The following EME2 variants were observed in gnomAD, a reference collection of about 807,000 sequenced individuals.
EME2 encodes structure-specific endonuclease subunit EME2.
EME2 carries 58 observed loss-of-function variants against 41.9 expected under a neutral mutation model. The ratio of observed to expected loss-of-function variants is 1.38; its 90% CI spans 1.12 to 1.72. The LOEUF (loss-of-function observed/expected upper bound fraction) is 1.72, where lower values mean the gene tolerates loss of function less well. Ranked by LOEUF, EME2 falls within the 40% of genes most tolerant of loss-of-function variation. The probability of loss-of-function intolerance (pLI) is 0.00; values close to 1 mark genes in which losing one functional copy is unlikely to be tolerated. For missense variants in EME2, 695 were observed against 541.9 expected, an observed-to-expected ratio of 1.28 and a Z score of -2.81; for synonymous variants, 334 against 239.3, an observed-to-expected ratio of 1.40 and a Z score of -3.65.
intron 1 of EME2, 93 bp from the exon 2 acceptor site, chr16:1,773,612 G>C (rs780503910): frequency 1.3e-6 from 2 of 1,538,024 alleles, no homozygotes; most frequent in Non-Finnish European, 1.8e-6. Flanking sequence ...GGTTTGTGCC[G>C]AATGGAGACT....
rs2042665302 is a variant in EME2, at chr16:1,773,640, G to C, written c.248-65G>C. On this transcript the variant is annotated intron_variant, in intron 1 of 7. Transcript: ENST00000568449. ...TGGAGACTCCCCGGTCCGGCCACCC[G>C]CCCAGGTAGGGCGCTCGCGAGGGTG... The C allele has an allele frequency of 1.9e-6, 3 of 1,544,618 alleles. No individual in the cohort carries two copies. The South Asian group carries it at 3.6e-5, about 18-fold the overall frequency.
chr16:1,776,056 G>A lies in EME2; in HGVS notation c.970-12G>A, dbSNP rs2042707618. The A allele has an allele frequency of 1.2e-6, 2 of 1,606,342 alleles. No homozygotes were observed. The highest frequency in any genetic ancestry group is 1.7e-6 in the Non-Finnish European group (2 of 1,177,136). ...TCCCCAGGCGCCCTCTCATGCCTTT[G>A]CCTGCTCCTAGGCGCTGGAGGCCTG... On this transcript the variant is annotated splice_polypyrimidine_tract_variant and intron_variant, in intron 7 of 7. Transcript: ENST00000568449.
Position 1,778,626 on chromosome 16 carries a change from G to A in EME2, c.*2388G>A, listed in dbSNP as rs773883908. The stretch of plus-strand genomic sequence containing the variant: ...CGAGTCGCTGTGCTGGGAGAGAAGG[G>A]CCGGCTGTTACTACCTGTTGCCCGC... On this transcript the variant is annotated 3_prime_UTR_variant, in exon 8 of 8. Transcript: ENST00000568449. 78 of 1,533,714 alleles carry A rather than the reference G, an allele frequency of 5.1e-5. No homozygotes were observed. The highest frequency in any genetic ancestry group is 6.7e-5 in the Non-Finnish European group (76 of 1,139,876).
In EME2 at chr16:1,780,742, GTTTTTT is replaced by G. The variant is rs918565223; in HGVS notation, c.*4507_*4512del. On this transcript the variant is annotated 3_prime_UTR_variant, in exon 8 of 8. Coordinates refer to ENST00000568449, the MANE Select transcript of EME2 (RefSeq NM_001257370.2). ...TAAACCAAAGAATTTTTTTGTTTTT[GTTTTTT>G]TTGAGTCAGGGTCTAGCTCTGTCAC... The G allele has an allele frequency of 6.2e-6, 1 of 162,548 alleles. No homozygotes were observed. The highest frequency in any genetic ancestry group is 5.8e-5 in the Admixed American group (1 of 17,182). 10.1% of individuals were successfully genotyped at this position (162,548 alleles called of 1,614,324 possible).
In EME2 at chr16:1,774,894, C is replaced by T. The variant is rs1280720653; in HGVS notation, c.478-147C>T. The T allele has an allele frequency of 1.5e-5, 11 of 714,294 alleles. No homozygotes were observed. The East Asian group carries it at 2.7e-4, about 18-fold the overall frequency. 44.2% of individuals were successfully genotyped at this position (714,294 alleles called of 1,614,324 possible). ...GTGGGAGGCACAGAGCTGGTTTTCT[C>T]AGAAGGGGTAACGGAACAGAGGCTC... is the stretch of plus-strand genomic sequence containing the variant. On this transcript the variant is annotated intron_variant, in intron 3 of 7. Transcript: ENST00000568449.
chr16:1,775,901 G>A lies in EME2; in HGVS notation c.884G>A (p.Arg295Lys). 1 of 1,612,432 alleles carries A rather than the reference G, an allele frequency of 6.2e-7. No individual in the cohort carries two copies. Among genetic ancestry groups the A allele is most frequent in the Non-Finnish European group, 8.5e-7 (1 of 1,179,822 alleles). Residue 295 changes from arginine (R) to lysine (K), a missense_variant, in exon 7 of 8, where the codon AGG becomes AAG. Physicochemically the swap from Arg to Lys is conservative, Grantham distance 26 (BLOSUM62 2). Coordinates refer to ENST00000568449, the MANE Select transcript of EME2 (RefSeq NM_001257370.2). ...DGAGLQAAWRRQIRQFSRVSP... is the reference protein window; with the variant it reads ...DGAGLQAAWRKQIRQFSRVSP... ...GCAGGGCTGCAGGCGGCCTGGCGGA[G>A]GCAGATCAGGCAGTTCAGTCGGGTC...
chr16:1,780,765 C>T lies in EME2; in HGVS notation c.*4527C>T. The T allele has an allele frequency of 5.6e-6, 1 of 177,132 alleles. No individual in the cohort carries two copies. The highest frequency in any genetic ancestry group is 1.6e-4 in the East Asian group (1 of 6,190). 11.0% of individuals were successfully genotyped at this position (177,132 alleles called of 1,614,324 possible). A position where few individuals can be genotyped will look rare whatever the true frequency, so the allele number is the denominator to read the frequency against. ...TTGTTTTTTTTGAGTCAGGGTCTAGCTCTGTCACCCAGGCTGGAACGCACT... is the reference window on the plus strand; with the variant it reads ...TTGTTTTTTTTGAGTCAGGGTCTAGTTCTGTCACCCAGGCTGGAACGCACT... On this transcript the variant is annotated 3_prime_UTR_variant, in exon 8 of 8. Coordinates refer to ENST00000568449, the MANE Select transcript of EME2 (RefSeq NM_001257370.2).
rs531318985 is a variant in EME2, at chr16:1,773,702, C to T, written c.248-3C>T. 3.2e-6 allele frequency: 5 copies of T among 1,548,664 alleles called. No individual in the cohort carries two copies. The Admixed American group carries it at 7.8e-5, about 24-fold the overall frequency. ...TGACCGCGCTCCTCTCCCCCGGTCC[C>T]AGCCATCCTGGAAGACGCCGGTGCC... On this transcript the variant is annotated splice_region_variant and splice_polypyrimidine_tract_variant and intron_variant, in intron 1 of 7. Coordinates refer to ENST00000568449, the MANE Select transcript of EME2 (RefSeq NM_001257370.2).
In EME2 at chr16:1,772,838, G is replaced by A. The variant is rs1451346240; in HGVS notation, c.-390G>A. The stretch of plus-strand genomic sequence containing the variant: ...CGGGCCGCACCCGCGTGAGGCGCCA[G>A]TAGCACGGCTCGTCGTGCTGCCACA... On this transcript the variant is annotated 5_prime_UTR_variant, in exon 1 of 8. Coordinates refer to ENST00000568449, the MANE Select transcript of EME2 (RefSeq NM_001257370.2). 6.9e-7 allele frequency: 1 copy of A among 1,444,476 alleles called. No individual in the cohort carries two copies. Among genetic ancestry groups the A allele is most frequent in the Admixed American group, 2.7e-5 (1 of 36,556 alleles). 89.5% of individuals were successfully genotyped at this position (1,444,476 alleles called of 1,614,324 possible).
In EME2 at chr16:1,781,117, TGAA is replaced by T; in HGVS notation, c.*4883_*4885del. On this transcript the variant is annotated 3_prime_UTR_variant, in exon 8 of 8. Transcript: ENST00000568449. The stretch of plus-strand genomic sequence containing the variant: ...ATGTGTTTCAGAGGAGAAAGCACAG[TGAA>T]GAATGCAGTGTGTTCTGAGGTCCTG... The T allele has an allele frequency of 6.9e-7, 1 of 1,444,322 alleles. No individual in the cohort carries two copies. Among genetic ancestry groups the T allele is most frequent in the Non-Finnish European group, 9.2e-7 (1 of 1,081,728 alleles). 89.5% of individuals were successfully genotyped at this position (1,444,322 alleles called of 1,614,324 possible).
Position 1,778,521 on chromosome 16 carries a change from C to G in EME2, c.*2283C>G, listed in dbSNP as rs1416788919. 14 of 1,611,730 alleles carry G rather than the reference C, an allele frequency of 8.7e-6. No homozygotes were observed. The highest frequency in any genetic ancestry group is 2.7e-5 in the African/African-American group (2 of 74,928). ...GAAGGAGGCCTCGCTCTGCCCAGCACAGTCACAGAAGGACTCGCCGGTCAC... is the reference window on the plus strand; with the variant it reads ...GAAGGAGGCCTCGCTCTGCCCAGCAGAGTCACAGAAGGACTCGCCGGTCAC... On this transcript the variant is annotated 3_prime_UTR_variant, in exon 8 of 8. Coordinates refer to ENST00000568449, the MANE Select transcript of EME2 (RefSeq NM_001257370.2).
chr16:1,773,219 G>A lies in EME2; in HGVS notation c.-9G>A, dbSNP rs747433578. ...CGCGGCCGGAAGCGAGGAAGAGGTC[G>A]GTCCGGCCATGGCGCGGGTTGGACC... On this transcript the variant is annotated 5_prime_UTR_variant, in exon 1 of 8. Transcript: ENST00000568449. 2.8e-6 allele frequency: 4 copies of A among 1,443,354 alleles called. No homozygotes were observed. The highest frequency in any genetic ancestry group is 3.6e-6 in the Non-Finnish European group (4 of 1,107,558). The allele number at this position is 1,443,354 out of a possible 1,614,324, so 89.4% of individuals were successfully genotyped here. A position where few individuals can be genotyped will look rare whatever the true frequency, so the allele number is the denominator to read the frequency against.
chr16:1,773,174 C>A lies in EME2; in HGVS notation c.-54C>A. 7.0e-7 allele frequency: 1 copy of A among 1,420,102 alleles called. No homozygotes were observed. The highest frequency in any genetic ancestry group is 1.5e-5 in the South Asian group (1 of 64,832). The allele number at this position is 1,420,102 out of a possible 1,614,324, so 88.0% of individuals were successfully genotyped here. On this transcript the variant is annotated 5_prime_UTR_variant, in exon 1 of 8. Transcript: ENST00000568449. ...GGAAGTCACCGGAAGAGGCCGGTGT[C>A]CCAGGCTAAAGTGTTCGGTCGCGGC... is the stretch of plus-strand genomic sequence containing the variant.
In EME2 at chr16:1,778,964, G is replaced by GC; in HGVS notation, c.*2731dup. 4.9e-6 allele frequency: 1 copy of GC among 204,938 alleles called. No homozygotes were observed. The highest frequency in any genetic ancestry group is 9.7e-6 in the Non-Finnish European group (1 of 102,700). The allele number at this position is 204,938 out of a possible 1,614,324, so 12.7% of individuals were successfully genotyped here. A position where few individuals can be genotyped will look rare whatever the true frequency, so the allele number is the denominator to read the frequency against. ...TCCCTGCTAGGCCAGCCCTGCAGGGGCCCCCAGGCAAGGCCACCACCCCCA... is the reference window on the plus strand; with the variant it reads ...TCCCTGCTAGGCCAGCCCTGCAGGGGCCCCCCAGGCAAGGCCACCACCCCCA... On this transcript the variant is annotated 3_prime_UTR_variant, in exon 8 of 8. Transcript: ENST00000568449.
rs990689749 is a variant in EME2, at chr16:1,778,675, T to TCTGTCCCTGTCCCACC, written c.*2447_*2462dup. 3.3e-6 allele frequency: 5 copies of TCTGTCCCTGTCCCACC among 1,492,568 alleles called. No individual in the cohort carries two copies. The highest frequency in any genetic ancestry group is 4.4e-6 in the Non-Finnish European group (5 of 1,125,202). 92.5% of individuals were successfully genotyped at this position (1,492,568 alleles called of 1,614,324 possible). A position where few individuals can be genotyped will look rare whatever the true frequency, so the allele number is the denominator to read the frequency against. Reference sequence around the variant, plus strand: ...GCTCTCTACCCTCTCACCCTTGCCCTCTGTCCCTGTCCCACCCTGTCCCTG... The same window carrying TCTGTCCCTGTCCCACC: ...GCTCTCTACCCTCTCACCCTTGCCCTCTGTCCCTGTCCCACCCTGTCCCTGTCCCACCCTGTCCCTG... On this transcript the variant is annotated 3_prime_UTR_variant, in exon 8 of 8. Coordinates refer to ENST00000568449, the MANE Select transcript of EME2 (RefSeq NM_001257370.2).
chr16:1,778,338 G>A lies in EME2; in HGVS notation c.*2100G>A, dbSNP rs751381805. ...AGTCGAAATCTGCAAGAGAGGCCCA[G>A]GCTGGGGCAGCCCTGAGAGCTCCAT... On this transcript the variant is annotated 3_prime_UTR_variant, in exon 8 of 8. Coordinates refer to ENST00000568449, the MANE Select transcript of EME2 (RefSeq NM_001257370.2). 6.2e-7 allele frequency: 1 copy of A among 1,611,708 alleles called. No individual in the cohort carries two copies. The highest frequency in any genetic ancestry group is 8.5e-7 in the Non-Finnish European group (1 of 1,179,882).
In EME2 at chr16:1,774,869, G is replaced by A. The variant is rs368492162; in HGVS notation, c.478-172G>A. On this transcript the variant is annotated intron_variant, in intron 3 of 7. Transcript: ENST00000568449. ...GGGTCTCCTTAGCCTCTTTGGCCTC[G>A]TGGGAGGCACAGAGCTGGTTTTCTC... 3.5e-3 allele frequency: 2,369 copies of A among 672,104 alleles called. 11 individuals are homozygous for A. Among genetic ancestry groups the A allele is most frequent in the Non-Finnish European group, 5.4e-3 (2,054 of 379,104 alleles). 41.6% of individuals were successfully genotyped at this position (672,104 alleles called of 1,614,324 possible).
Position 1,778,432 on chromosome 16 carries a change from C to G in EME2, c.*2194C>G. ...CCCAGCAGGGGCTGGGCCCCACGCT[C>G]ACACTCGTCTTCCTCTCCGCAGCGG... is the stretch of plus-strand genomic sequence containing the variant. On this transcript the variant is annotated 3_prime_UTR_variant, in exon 8 of 8. Coordinates refer to ENST00000568449, the MANE Select transcript of EME2 (RefSeq NM_001257370.2). 1 of 1,608,014 alleles carries G rather than the reference C, an allele frequency of 6.2e-7. No individual in the cohort carries two copies. Among genetic ancestry groups the G allele is most frequent in the Non-Finnish European group, 8.5e-7 (1 of 1,177,380 alleles).
rs778471994 is a variant in EME2 at position 1,773,810 on chromosome 16, C to T, written c.353C>T (p.Thr118Ile). Residue 118 changes from threonine (T) to isoleucine (I), a missense_variant, in exon 2 of 8, where the codon ACC becomes ATC. Transcript: ENST00000568449. ...CGCCCGGCCCGCAGCCTGCGGTGGACCCGAGCGAGTCCCGACCCCTGCCCC... is the reference window on the plus strand; with the variant it reads ...CGCCCGGCCCGCAGCCTGCGGTGGATCCGAGCGAGTCCCGACCCCTGCCCC... ...PQRPARSLRW[T>I]RASPDPCPRS... 5 of 1,557,746 alleles carry T rather than the reference C, an allele frequency of 3.2e-6. No individual in the cohort carries two copies. Among genetic ancestry groups the T allele is most frequent in the Non-Finnish European group, 4.3e-6 (5 of 1,153,632 alleles).
Sources: allele counts gnomAD v4.1 joint callset, GRCh38; gene constraint gnomAD v4.1.1; transcripts MANE v1.5; gene names NCBI Gene and HGNC (gene_info 2026-07-23, HGNC 2026-07-21).